The following COL15A1 variants were observed in gnomAD, a reference collection of about 807,000 sequenced individuals.
COL15A1 encodes the protein collagen alpha-1(XV) chain.
COL15A1 carries 111 observed loss-of-function variants against 165.9 expected under a neutral mutation model. The observed-to-expected ratio is 0.67, with a 90% CI of 0.57 to 0.78. COL15A1 has a LOEUF of 0.78. Ranked by LOEUF, COL15A1 falls within the 30% of genes least tolerant of loss-of-function variation. The probability of loss-of-function intolerance (pLI) is 0.00; values close to 1 mark genes in which losing one functional copy is unlikely to be tolerated. For synonymous variants in COL15A1, 659 were observed against 674.8 expected (o/e 0.98, Z 0.36); for missense variants, 1,745 against 1,789.7 (o/e 0.98, Z 0.45).
intron 13 of COL15A1, 77 bp downstream of exon 13, chr9:99,022,227 A>G: frequency 6.3e-7 from 1 of 1,593,712 alleles, no homozygotes; most frequent in East Asian, 2.2e-5. Context: ...CAGGCTGAGG[A>G]CTCTCCTTTT....
At chr9:98,962,770 C>T (rs1178848584) in intron 2 of COL15A1, among the ~76,000 whole-genome samples, 2 of 152,144 alleles carry the variant, frequency 1.3e-5, no homozygotes, top group African/African-American at 4.8e-5. Flanking sequence ...ATACCTAACA[C>T]CTGTGTGTTG....
At chr9:98,960,316 C>T (rs1837845343) in intron 2 of COL15A1, among the ~76,000 whole-genome samples, 1 of 152,108 alleles carries the variant, frequency 6.6e-6, no homozygotes, top group Non-Finnish European at 1.5e-5. Context: ...GGGAGGATCG[C>T]TTGAGCCCAA....
intron 7 of COL15A1, among the ~76,000 whole-genome samples, chr9:99,002,173 C>G (rs1031582514): frequency 7.0e-6 from 1 of 143,864 alleles, no homozygotes; most frequent in African/African-American, 2.6e-5. Flanking sequence ...CCCCTTTTCT[C>G]CCCTCCCCTC....
chr9:99,049,875 C>G lies in COL15A1; in HGVS notation c.2884C>G (p.Arg962Gly), dbSNP rs777750966. The change falls in exon 30 of 42, where the codon CGA (arginine) becomes GGA (glycine). Residue 962 changes from arginine (R) to glycine (G), a missense_variant. Physicochemically the swap from Arg to Gly is moderately radical, Grantham distance 125 (BLOSUM62 -2). Transcript: ENST00000375001. ...IKGAIFPIPV[R>G]PHCKMPVDTA... The stretch of plus-strand genomic sequence containing the variant: ...ACAGGCCATTTTCCCAATACCCGTC[C>G]GACCACACTGCAAAATGCCAGTAAG... 2 of 1,614,214 alleles carry G rather than the reference C, an allele frequency of 1.2e-6. No individual in the cohort carries two copies. Among genetic ancestry groups the G allele is most frequent in the Admixed American group, 1.7e-5 (1 of 60,026 alleles).
chr9:99,026,577 C>T (rs1375980068), intron 16 of COL15A1, among the ~76,000 whole-genome samples: 2 of 152,228 alleles, frequency 1.3e-5, no homozygotes, highest in Non-Finnish European at 2.9e-5. Context: ...TCCCCCAACT[C>T]CTCACACGGC....
Position 99,056,773 on chromosome 9 carries a change from A to C in COL15A1, c.3337+369A>C, listed in dbSNP as rs1009422877. Among the ~76,000 whole-genome samples, 3 of 152,078 alleles carry C rather than the reference A, an allele frequency of 2.0e-5. No homozygotes were observed. The East Asian group carries it at 5.8e-4, about 29-fold the overall frequency. On this transcript the variant is annotated intron_variant, in intron 35 of 41. Transcript: ENST00000375001. Reference sequence around the variant, plus strand: ...TCTACTTCTGTCTCCAGATTTGCCTATTCTGGACATTTCATATAAATGGAA... The same window carrying C: ...TCTACTTCTGTCTCCAGATTTGCCTCTTCTGGACATTTCATATAAATGGAA...
At chr9:98,963,208 C>T (rs1204197198) in intron 2 of COL15A1, among the ~76,000 whole-genome samples, 4 of 152,218 alleles carry the variant, frequency 2.6e-5, no homozygotes, top group African/African-American at 4.8e-5. Context: ...TGTGAGAAGG[C>T]ACAGTTCACC....
chr9:99,001,459 C>T (rs924406705), intron 7 of COL15A1, among the ~76,000 whole-genome samples: 2 of 152,252 alleles, frequency 1.3e-5, no homozygotes, highest in Non-Finnish European at 2.9e-5. Context: ...CATTCCTTCC[C>T]TTCTCCTGGG....
intron 39 of COL15A1, among the ~76,000 whole-genome samples, 189 bp downstream of exon 39, chr9:99,063,298 G>A (rs1338918594): frequency 1.3e-5 from 2 of 152,182 alleles, no homozygotes; most frequent in Non-Finnish European, 2.9e-5. Flanking sequence ...GGTGCTGGGG[G>A]TATAAGGGAG....
chr9:98,993,685 A>T (rs1451935611), intron 5 of COL15A1, among the ~76,000 whole-genome samples: 1 of 152,152 alleles, frequency 6.6e-6, no homozygotes, highest in Non-Finnish European at 1.5e-5. Context: ...CAGGGTCCAG[A>T]GTGCACTCAG....
intron 2 of COL15A1, among the ~76,000 whole-genome samples, chr9:98,965,050 C>A (rs1837934540): frequency 6.6e-6 from 1 of 152,200 alleles, no homozygotes; most frequent in African/African-American, 2.4e-5. Flanking sequence ...TGCTGAGAGG[C>A]TGCAAGAAAG....
At position 98,985,891 on chromosome 9, in the gene COL15A1, T is replaced by C; in HGVS notation, c.427T>C (p.Ser143Pro). Reference protein sequence around the residue: ...RIILYYTEPGSHVSQEAAAFS... With the variant: ...RIILYYTEPGPHVSQEAAAFS... ...CATCCTCTACTACACGGAGCCAGGC[T>C]CCCATGTGTCCCAAGAGGCTGCTGC... is the stretch of plus-strand genomic sequence containing the variant. The change falls in exon 3 of 42, where the codon TCC (serine) becomes CCC (proline). Residue 143 changes from serine (S) to proline (P), a missense_variant. Coordinates refer to ENST00000375001, the MANE Select transcript of COL15A1 (RefSeq NM_001855.5). 3 of 1,613,698 alleles carry C rather than the reference T, an allele frequency of 1.9e-6. No individual in the cohort carries two copies. Among genetic ancestry groups the C allele is most frequent in the Non-Finnish European group, 2.5e-6 (3 of 1,179,986 alleles).
intron 4 of COL15A1, 108 bp from the exon 5 acceptor site, chr9:98,989,070 T>C: frequency 1.5e-6 from 1 of 686,094 alleles, no homozygotes; most frequent in Admixed American, 2.4e-5. Context: ...ACACACGGTT[T>C]CCCTGTAGGA....
intron 2 of COL15A1, among the ~76,000 whole-genome samples, chr9:98,984,218 G>T (rs754802004): frequency 3.9e-5 from 6 of 152,212 alleles, no homozygotes; most frequent in Non-Finnish European, 7.3e-5. Context: ...GGCTACAGTG[G>T]TCTTGTCCCC....
Position 99,024,289 on chromosome 9 carries a change from T to TTG in COL15A1, c.1855-584_1855-583insGT, listed in dbSNP as rs1564064508. On this transcript the variant is annotated intron_variant, in intron 14 of 41. Coordinates refer to ENST00000375001, the MANE Select transcript of COL15A1 (RefSeq NM_001855.5). ...AGCAGTTTTTTTTGTTTTTTTGTTTTTTTTTTTTTGAGATGGAGTCTTGCT... is the reference window on the plus strand; with the variant it reads ...AGCAGTTTTTTTTGTTTTTTTGTTTTTGTTTTTTTTTGAGATGGAGTCTTGCT... 2.9e-4 allele frequency among the ~76,000 whole-genome samples: 43 copies of TTG among 145,796 alleles called. 2 individuals carry two copies. The South Asian group carries it at 8.4e-3, about 28-fold the overall frequency.
chr9:99,059,484 T>C (rs536637465), intron 35 of COL15A1, among the ~76,000 whole-genome samples: 1 of 152,352 alleles, frequency 6.6e-6, no homozygotes, highest in Admixed American at 6.5e-5. Context: ...AGCCTTCTCT[T>C]CCTCTTTCTG....
intron 2 of COL15A1, among the ~76,000 whole-genome samples, chr9:98,975,492 G>A (rs1038011739): frequency 2.6e-5 from 4 of 152,180 alleles, no homozygotes; most frequent in Non-Finnish European, 5.9e-5. Context: ...CTTCATCTCT[G>A]GCCAAATCGC....
At position 99,060,232 on chromosome 9, in the gene COL15A1, TTTTA is replaced by T. The variant is rs1362170928; in HGVS notation, c.3402+281_3402+284del. 5.5e-3 allele frequency among the ~76,000 whole-genome samples: 682 copies of T among 123,514 alleles called. 6 individuals are homozygous for T. The highest frequency in any genetic ancestry group is 0.018 in the South Asian group (66 of 3,610). 81.0% of individuals were successfully genotyped at this position (123,514 alleles called of 152,430 possible). A position where few individuals can be genotyped will look rare whatever the true frequency, so the allele number is the denominator to read the frequency against. ...AGAACCAATCATATTACTTATATATTTTTATATATATATATATATATATATTTTT... is the reference window on the plus strand; with the variant it reads ...AGAACCAATCATATTACTTATATATTTATATATATATATATATATATTTTT... On this transcript the variant is annotated intron_variant, in intron 36 of 41. Coordinates refer to ENST00000375001, the MANE Select transcript of COL15A1 (RefSeq NM_001855.5).
At chr9:98,994,815 C>T (rs1181230096) in intron 5 of COL15A1, among the ~76,000 whole-genome samples, 2 of 152,138 alleles carry the variant, frequency 1.3e-5, no homozygotes, top group East Asian at 1.9e-4. Flanking sequence ...TTCACATTGA[C>T]CTCTGAAAAC....
Sources: gnomAD v4.1 joint callset for allele counts (sites outside exome capture counted in the v4.1 genomes callset) on GRCh38, gnomAD v4.1.1 for gene constraint, MANE v1.5 for transcripts, NCBI Gene and HGNC (gene_info 2026-07-23, HGNC 2026-07-21) for gene names.